Variants in SKIL observed in about 807,000 individuals in gnomAD.
SKIL encodes the protein SKI like proto-oncogene.
A neutral mutation model predicts 69.6 loss-of-function variants in SKIL; 20 were observed. That is an observed-to-expected ratio of 0.29 (90% CI 0.20 to 0.42). The LOEUF (loss-of-function observed/expected upper bound fraction) is 0.42, where lower values mean the gene tolerates loss of function less well. SKIL is among the 10% of genes least tolerant of loss of function. The pLI is 1.00. For synonymous variants in SKIL, 310 were observed against 279.9 expected, an observed-to-expected ratio of 1.11 and a Z score of -1.08; for missense variants, 745 against 783.1, an observed-to-expected ratio of 0.95 and a Z score of 0.58.
chr3:170,381,851 G>A (rs1396896804), intron 3 of SKIL, among the ~76,000 whole-genome samples: 2 of 152,052 alleles, frequency 1.3e-5, no homozygotes, highest in Non-Finnish European at 2.9e-5. Flanking sequence ...GGAGGCCGAG[G>A]TGGGTGGATC....
In SKIL at chr3:170,391,041, A is replaced by G. The variant is rs1398655852; in HGVS notation, c.1677A>G (p.Val559=). 1.3e-6 allele frequency: 2 copies of G among 1,522,390 alleles called. No homozygotes were observed. The highest frequency in any genetic ancestry group is 2.8e-5 in the African/African-American group (2 of 72,132). The allele number at this position is 1,522,390 out of a possible 1,614,324, so 94.3% of individuals were successfully genotyped here. The part of the protein sequence containing the change: ...LQKKQQLQME[V]KMLSSSKSMK... ...TGTGATTCTTTACATTACAGGAAGT[A>G]AAAATGTTGAGTAGTTCAAAATCTA... The change falls in exon 6 of 7, where the codon GTA becomes GTG. Residue 559 remains valine, a synonymous_variant. Transcript: ENST00000259119.
rs763858925 is a variant in SKIL at position 170,389,316 on chromosome 3, C to CT, written c.1430-892dup. ...CGTATGTTGAAAAGATTATTCTTTC[C>CT]TTTTTTTTTTTTTTTGAGACGGAGT... On this transcript the variant is annotated intron_variant, in intron 4 of 6. Transcript: ENST00000259119. 7.2e-3 allele frequency among the ~76,000 whole-genome samples: 982 copies of CT among 137,044 alleles called. 4 individuals carry two copies. Among genetic ancestry groups the CT allele is most frequent in the Middle Eastern group, 0.012 (3 of 252 alleles). 89.9% of individuals were successfully genotyped at this position (137,044 alleles called of 152,430 possible).
intron 4 of SKIL, among the ~76,000 whole-genome samples, chr3:170,385,595 G>A (rs115846423): frequency 0.017 from 2,560 of 152,184 alleles, 52 homozygotes; most frequent in Middle Eastern, 0.024. Flanking sequence ...GTTACTTACC[G>A]TGCCTTTTAA....
At chr3:170,371,577 C>T (rs1225218710) in intron 2 of SKIL, among the ~76,000 whole-genome samples, 1 of 152,134 alleles carries the variant, frequency 6.6e-6, no homozygotes, top group African/African-American at 2.4e-5. Context: ...TAAGACAGTT[C>T]ATTTAGAGCA....
Position 170,392,306 on chromosome 3 carries a change from A to G in SKIL, c.1944A>G (p.Gln648=), listed in dbSNP as rs1315138382. 6.2e-7 allele frequency: 1 copy of G among 1,613,618 alleles called. No homozygotes were observed. Among genetic ancestry groups the G allele is most frequent in the Non-Finnish European group, 8.5e-7 (1 of 1,179,728 alleles). ...TGGACCATGCTGAGGCCGATAGGCA[A>G]GAACTCCAAGATGAACTCAGACAGG... ...QRLDHAEADR[Q]ELQDELRQER... is the part of the protein sequence containing the mutation. Residue 648 remains glutamine (Q), a synonymous_variant, in exon 7 of 7, where the codon CAA becomes CAG. Transcript: ENST00000259119.
At chr3:170,373,192 A>T (rs1194858127) in intron 2 of SKIL, among the ~76,000 whole-genome samples, 4 of 151,778 alleles carry the variant, frequency 2.6e-5, no homozygotes, top group Non-Finnish European at 5.9e-5. Context: ...TTTTTTAGAT[A>T]GTCTTGCTAT....
At chr3:170,388,346 T>TA (rs1168796388) in intron 4 of SKIL, among the ~76,000 whole-genome samples, 1 of 58,410 alleles carries the variant, frequency 1.7e-5, no homozygotes, top group Non-Finnish European at 4.8e-5. Context: ...ATTTTAATGC[T>TA]AGGTTGTTTT....
chr3:170,374,184 C>T (rs567031260), intron 2 of SKIL, among the ~76,000 whole-genome samples: 6 of 152,146 alleles, frequency 3.9e-5, no homozygotes, highest in African/African-American at 1.4e-4. Context: ...TTAGTTTTTA[C>T]TTATTTTATA....
chr3:170,380,487 A>G (rs562304450), intron 2 of SKIL, among the ~76,000 whole-genome samples: 23 of 152,162 alleles, frequency 1.5e-4, no homozygotes, highest in Admixed American at 9.2e-4. Context: ...TACTAAGAAT[A>G]CAAAAAATTA....
chr3:170,371,585 G>A, intron 2 of SKIL, among the ~76,000 whole-genome samples: 1 of 152,196 alleles, frequency 6.6e-6, no homozygotes, highest in Non-Finnish European at 1.5e-5. Context: ...TTCATTTAGA[G>A]CAGTGTTTTT....
intron 3 of SKIL, among the ~76,000 whole-genome samples, chr3:170,382,518 A>G (rs1737406332): frequency 6.7e-6 from 1 of 150,100 alleles, no homozygotes; most frequent in African/African-American, 2.5e-5. Context: ...AGGTTCAAGC[A>G]GTTCTCTTGT....
chr3:170,363,981 T>C (rs965243295), intron 2 of SKIL, among the ~76,000 whole-genome samples: 4 of 152,048 alleles, frequency 2.6e-5, no homozygotes, highest in African/African-American at 9.7e-5. Context: ...AGACAAGTCT[T>C]GCTCTGTCGC....
chr3:170,381,674 C>T (rs1737358458), intron 3 of SKIL, among the ~76,000 whole-genome samples: 1 of 151,918 alleles, frequency 6.6e-6, no homozygotes. Context: ...CTCAAGTGAT[C>T]TGCCTGCCTC....
chr3:170,390,461 G>A lies in SKIL; in HGVS notation c.1668G>A (p.Gln556=), dbSNP rs748937979. The A allele has an allele frequency of 1.4e-5, 23 of 1,607,696 alleles. No homozygotes were observed. Among genetic ancestry groups the A allele is most frequent in the Non-Finnish European group, 2.0e-5 (23 of 1,174,624 alleles). The change falls in exon 5 of 7, where the codon CAG becomes CAA. Residue 556 remains glutamine, a synonymous_variant. Transcript: ENST00000259119. ...TTTTGCAAAAGAAGCAACAACTTCA[G>A]ATGGTAAAATTGTTATCTAAATGAT... The part of the protein sequence containing the change: ...NLILQKKQQL[Q]MEVKMLSSSK...
At chr3:170,382,989 G>A (rs2108216713) in intron 3 of SKIL, among the ~76,000 whole-genome samples, 1 of 152,108 alleles carries the variant, frequency 6.6e-6, no homozygotes, top group South Asian at 2.1e-4. Flanking sequence ...CAAAGTGCTG[G>A]GATTACAGGT....
rs80071832 is a variant in SKIL at position 170,375,340 on chromosome 3, T to C, written c.1099-5904T>C. 3.0e-3 allele frequency among the ~76,000 whole-genome samples: 460 copies of C among 152,314 alleles called. 6 individuals are homozygous for C. Among genetic ancestry groups the C allele is most frequent in the African/African-American group, 0.01 (419 of 41,566 alleles). On this transcript the variant is annotated intron_variant, in intron 2 of 6. Transcript: ENST00000259119. ...GTTATTTAAGGTGGCACCTGAAGTT[T>C]AGAGACACAGAAATAAATAGATGCT...
Position 170,383,640 on chromosome 3 carries a change from A to G in SKIL, c.1197-893A>G, listed in dbSNP as rs542097490. 2.1e-3 allele frequency among the ~76,000 whole-genome samples: 319 copies of G among 152,298 alleles called. 2 individuals are homozygous for G. Among genetic ancestry groups the G allele is most frequent in the Non-Finnish European group, 3.5e-3 (237 of 68,026 alleles). ...TTGCCATTTTATCAAATGAGTAGGAAGTAGTGAAGTATTTCAAGAAGATTG... is the reference window on the plus strand; with the variant it reads ...TTGCCATTTTATCAAATGAGTAGGAGGTAGTGAAGTATTTCAAGAAGATTG... On this transcript the variant is annotated intron_variant, in intron 3 of 6. Coordinates refer to ENST00000259119, the MANE Select transcript of SKIL (RefSeq NM_005414.5).
chr3:170,396,294 T>G lies in SKIL; in HGVS notation c.*3877T>G, dbSNP rs1313700791. ...ATACTTAAAGTAGTTCTAGTAAACATGTCCTAGAAAACAGTTGCTAAATGT... is the reference window on the plus strand; with the variant it reads ...ATACTTAAAGTAGTTCTAGTAAACAGGTCCTAGAAAACAGTTGCTAAATGT... On this transcript the variant is annotated 3_prime_UTR_variant, in exon 7 of 7. Transcript: ENST00000259119. 6.6e-6 allele frequency: 1 copy of G among 152,162 alleles called. No individual in the cohort carries two copies. The highest frequency in any genetic ancestry group is 1.5e-5 in the Non-Finnish European group (1 of 67,994). The allele number at this position is 152,162 out of a possible 1,614,324, so 9.4% of individuals were successfully genotyped here.
intron 4 of SKIL, among the ~76,000 whole-genome samples, chr3:170,388,413 T>C (rs973114355): frequency 2.0e-5 from 3 of 152,138 alleles, no homozygotes; most frequent in Admixed American, 6.6e-5. Context: ...TTATCAGATA[T>C]TTGATTTACC....
Sources: gnomAD v4.1 joint callset for allele counts (sites outside exome capture counted in the v4.1 genomes callset) on GRCh38, gnomAD v4.1.1 for gene constraint, MANE v1.5 for transcripts, NCBI Gene and HGNC (gene_info 2026-07-23, HGNC 2026-07-21) for gene names.